The following MKLN1 variants were observed in gnomAD, a reference collection of about 807,000 sequenced individuals.
MKLN1 encodes muskelin.
In MKLN1, 18 loss-of-function variants were observed where a neutral mutation model predicts 99.0. The observed-to-expected ratio is 0.18, with a 90% CI of 0.13 to 0.27. The LOEUF is 0.27. Ranked by LOEUF, MKLN1 falls within the 10% of genes least tolerant of loss-of-function variation. The pLI is 1.00. For synonymous variants in MKLN1, 288 were observed against 293.2 expected (o/e 0.98, Z 0.18); for missense variants, 621 against 875.9 (o/e 0.71, Z 3.67).
chr7:131,407,481 A>G (rs1794741644), intron 6 of MKLN1, among the ~76,000 whole-genome samples: 2 of 151,862 alleles, frequency 1.3e-5, no homozygotes. Context: ...CTTTTTTAAC[A>G]TTATTAATAT....
At chr7:131,311,856 C>CT (rs1167360794) in intron 3 of MKLN1, among the ~76,000 whole-genome samples, 3 of 151,216 alleles carry the variant, frequency 2.0e-5, no homozygotes, top group Admixed American at 6.6e-5. Context: ...AAAAGGTGAA[C>CT]TTTTTTTTAC....
chr7:131,273,673 G>A (rs1329567170), intron 3 of MKLN1, among the ~76,000 whole-genome samples: 1 of 149,698 alleles, frequency 6.7e-6, no homozygotes, highest in African/African-American at 2.5e-5. Context: ...CACCCAGGCT[G>A]GAGTGCAGTG....
intron 3 of MKLN1, among the ~76,000 whole-genome samples, chr7:131,212,863 C>T (rs1446733482): frequency 1.2e-4 from 18 of 151,110 alleles, no homozygotes; most frequent in Middle Eastern, 3.4e-3. Context: ...GCGGAGGTTG[C>T]GGTGAGCCGA....
chr7:131,355,420 GC>G (rs1799843444), intron 1 of MKLN1, among the ~76,000 whole-genome samples: 1 of 151,372 alleles, frequency 6.6e-6, no homozygotes, highest in South Asian at 2.1e-4. Context: ...GCATGTCTTT[GC>G]ATTTTTTCCA....
chr7:131,327,226 G>A (rs1798911025), upstream of MKLN1: 1 of 152,230 alleles, frequency 6.6e-6, no homozygotes. Flanking sequence ...GACTTTTCAG[G>A]TCTGTGGGTG....
chr7:131,420,871 T>G (rs1795170815), intron 8 of MKLN1, among the ~76,000 whole-genome samples: 1 of 152,180 alleles, frequency 6.6e-6, no homozygotes, highest in Admixed American at 6.5e-5. Context: ...TAAAATTCAT[T>G]TTCCTTTGAG....
chr7:131,259,123 A>T (rs998786119), intron 3 of MKLN1, among the ~76,000 whole-genome samples: 2 of 152,038 alleles, frequency 1.3e-5, no homozygotes, highest in Non-Finnish European at 2.9e-5. Context: ...TTAAAAAAAT[A>T]TATATATATA....
At chr7:131,211,570 T>A (rs1398279100) in intron 3 of MKLN1, among the ~76,000 whole-genome samples, 1 of 151,940 alleles carries the variant, frequency 6.6e-6, no homozygotes, top group Non-Finnish European at 1.5e-5. Flanking sequence ...TTTCACTTTG[T>A]CTTCCTGTAA....
intron 2 of MKLN1, among the ~76,000 whole-genome samples, chr7:131,378,882 C>CTT (rs912728269): frequency 3.0e-4 from 38 of 128,776 alleles, no homozygotes; most frequent in African/African-American, 7.9e-4. Flanking sequence ...AAAGCTGGGA[C>CTT]TTTTTTTTTT....
intron 8 of MKLN1, among the ~76,000 whole-genome samples, chr7:131,428,302 G>A (rs368157867): frequency 1.2e-4 from 18 of 152,292 alleles, no homozygotes; most frequent in East Asian, 9.6e-4. Flanking sequence ...AGACATTTCA[G>A]AGTCAGAAGA....
chr7:131,468,582 A>G (rs1796722631), intron 15 of MKLN1, among the ~76,000 whole-genome samples: 1 of 152,182 alleles, frequency 6.6e-6, no homozygotes, highest in Non-Finnish European at 1.5e-5. Context: ...ATGTCACTTG[A>G]TATAATAAAT....
At chr7:131,144,785 C>T (rs1219635218) in intron 2 of MKLN1, among the ~76,000 whole-genome samples, 1 of 152,220 alleles carries the variant, frequency 6.6e-6, no homozygotes, top group East Asian at 1.9e-4. Flanking sequence ...CAAGACCAGC[C>T]TGACCAACGT....
At chr7:131,180,116 G>T (rs1269633198) in intron 2 of MKLN1, among the ~76,000 whole-genome samples, 1 of 152,146 alleles carries the variant, frequency 6.6e-6, no homozygotes, top group East Asian at 1.9e-4. Flanking sequence ...GTTTGTCATA[G>T]CTCTGTGAAG....
rs184563816 is a variant in MKLN1 at position 131,227,356 on chromosome 7, C to T, written c.-179+24382C>T. On this transcript the variant is annotated intron_variant, in intron 3 of 7. Coordinates refer to the MKLN1 transcript ENST00000416992. Reference sequence around the variant, plus strand: ...TTTCTTTTCTTTTCTTTCTTTCCTTCTCTCTCTTTCTTTCTTTTTCTTTCT... The same window carrying T: ...TTTCTTTTCTTTTCTTTCTTTCCTTTTCTCTCTTTCTTTCTTTTTCTTTCT... Among the ~76,000 whole-genome samples, 230 of 151,302 alleles carry T rather than the reference C, an allele frequency of 1.5e-3. 1 individual carries two copies. The highest frequency in any genetic ancestry group is 5.4e-3 in the African/African-American group (222 of 41,246).
At chr7:131,462,719 G>C (rs935511862) in intron 12 of MKLN1, among the ~76,000 whole-genome samples, 11 of 152,302 alleles carry the variant, frequency 7.2e-5, no homozygotes, top group African/African-American at 2.4e-4. Flanking sequence ...ATAGAGTAAG[G>C]AGAAGGCAAT....
At chr7:131,441,941 G>T (rs575982032) in intron 10 of MKLN1, among the ~76,000 whole-genome samples, 1 of 152,186 alleles carries the variant, frequency 6.6e-6, no homozygotes, top group Non-Finnish European at 1.5e-5. Flanking sequence ...CTTCAGAAAC[G>T]GAAATGTGAC....
intron 1 of MKLN1, among the ~76,000 whole-genome samples, chr7:131,361,524 G>A (rs935950157): frequency 2.0e-5 from 3 of 149,684 alleles, no homozygotes; most frequent in African/African-American, 7.3e-5. Flanking sequence ...GGCTTGCTTT[G>A]TCTTTTCACA....
At chr7:131,474,935 A>G (rs1275919146) in intron 16 of MKLN1, among the ~76,000 whole-genome samples, 1 of 152,178 alleles carries the variant, frequency 6.6e-6, no homozygotes, top group Non-Finnish European at 1.5e-5. Context: ...CCTTTTTCAC[A>G]TGATGGCAGG....
chr7:131,205,716 C>G (rs1352117055), intron 3 of MKLN1, among the ~76,000 whole-genome samples: 1 of 151,986 alleles, frequency 6.6e-6, no homozygotes, highest in Non-Finnish European at 1.5e-5. Flanking sequence ...AACACCGAGG[C>G]CTTTTTATCT....
Sources: gnomAD v4.1 joint callset for allele counts (sites outside exome capture counted in the v4.1 genomes callset) on GRCh38, gnomAD v4.1.1 for gene constraint, MANE v1.5 for transcripts, NCBI Gene and HGNC (gene_info 2026-07-23, HGNC 2026-07-21) for gene names.